The following ATCAY variants were observed in gnomAD, a reference collection of about 807,000 sequenced individuals.
ATCAY encodes ATCAY kinesin light chain interacting caytaxin.
ATCAY carries 22 observed loss-of-function variants against 47.7 expected under a neutral mutation model. That is an observed-to-expected ratio of 0.46 (90% confidence interval 0.33 to 0.66). The LOEUF (loss-of-function observed/expected upper bound fraction) is 0.66. ATCAY is among the 30% of genes least tolerant of loss of function. The pLI, the probability that ATCAY is intolerant of heterozygous loss-of-function variation, is 0.02. For missense variants in ATCAY, 452 were observed against 515.0 expected (o/e 0.88, Z 1.18); for synonymous variants, 216 against 207.6 (o/e 1.04, Z -0.35).
intron 2 of ATCAY, among the ~76,000 whole-genome samples, chr19:3,891,803 T>G (rs925734126): frequency 1.3e-5 from 2 of 152,190 alleles, no homozygotes; most frequent in African/African-American, 4.8e-5. Flanking sequence ...CTCCCTCTAC[T>G]CTCTTCCCCT....
intron 12 of ATCAY, among the ~76,000 whole-genome samples, chr19:3,921,175 C>A (rs144912171): frequency 6.6e-6 from 1 of 152,158 alleles, no homozygotes; most frequent in Admixed American, 6.5e-5. Flanking sequence ...AGACTGTCCA[C>A]GCTCTGCCTC....
At chr19:3,887,468 TA>T (rs1053336818) in intron 2 of ATCAY, among the ~76,000 whole-genome samples, 2 of 150,536 alleles carry the variant, frequency 1.3e-5, no homozygotes, top group African/African-American at 4.9e-5. Flanking sequence ...TATTTTATTT[TA>T]TTTTTTTTAT....
At chr19:3,893,758 CATG>C (rs2038740461) in intron 2 of ATCAY, 1 of 152,336 alleles carries the variant, frequency 6.6e-6, no homozygotes, top group African/African-American at 2.4e-5. Context: ...TCCAGTTCTG[CATG>C]ATCTTAAACC....
At chr19:3,910,076 G>A (rs1039560514) in intron 7 of ATCAY, among the ~76,000 whole-genome samples, 6 of 152,074 alleles carry the variant, frequency 3.9e-5, no homozygotes, top group East Asian at 3.9e-4. Context: ...GCAACAGAGC[G>A]AGACTCTGTC....
chr19:3,908,516 G>T, intron 6 of ATCAY, 146 bp downstream of exon 6: 2 of 765,524 alleles, frequency 2.6e-6, no homozygotes, highest in Non-Finnish European at 4.4e-6. Context: ...ACCTTGATCT[G>T]AGTCCCTGCT....
intron 2 of ATCAY, among the ~76,000 whole-genome samples, chr19:3,898,679 G>T (rs1322730663): frequency 1.3e-5 from 2 of 151,132 alleles, no homozygotes; most frequent in Non-Finnish European, 1.5e-5. Flanking sequence ...GACTGGTGTT[G>T]TTTGTTTGTT....
chr19:3,916,918 G>C (rs1032225875), intron 9 of ATCAY, among the ~76,000 whole-genome samples: 3 of 148,180 alleles, frequency 2.0e-5, no homozygotes, highest in African/African-American at 7.5e-5. Flanking sequence ...AGGGATTCTC[G>C]TGCCTCAGCC....
chr19:3,922,885 C>T (rs2039032479), intron 12 of ATCAY, among the ~76,000 whole-genome samples: 1 of 152,152 alleles, frequency 6.6e-6, no homozygotes, highest in Non-Finnish European at 1.5e-5. Flanking sequence ...GCTGGGACTA[C>T]AGGCGTCTGC....
chr19:3,924,847 A>T lies in ATCAY; in HGVS notation c.*255A>T. On this transcript the variant is annotated 3_prime_UTR_variant, in exon 13 of 13. Transcript: ENST00000450849. ...AGCTCTGAGCCCCTCACCCTTCCAC[A>T]CTCACGAACTCTCAGCCGAGGAAGG... The T allele has an allele frequency of 2.1e-6, 1 of 473,900 alleles. No homozygotes were observed. The highest frequency in any genetic ancestry group is 3.5e-5 in the Admixed American group (1 of 28,244). The allele number at this position is 473,900 out of a possible 1,614,324, so 29.4% of individuals were successfully genotyped here.
intron 2 of ATCAY, among the ~76,000 whole-genome samples, chr19:3,887,750 T>G (rs1289714855): frequency 2.7e-5 from 4 of 146,796 alleles, no homozygotes; most frequent in African/African-American, 7.5e-5. Flanking sequence ...CCTCCCAAAG[T>G]GCTGGGATTA....
Position 3,926,359 on chromosome 19 carries a change from A to G in ATCAY, c.*1767A>G, listed in dbSNP as rs2039066328. On this transcript the variant is annotated 3_prime_UTR_variant, in exon 13 of 13. Coordinates refer to ENST00000450849, the MANE Select transcript of ATCAY (RefSeq NM_033064.5). ...CAGTGTTTGCAGAGAGTTGCTCACG[A>G]GTTTCCCTCTAATCCTAAATGTCTT... 1 of 152,292 alleles carries G rather than the reference A, an allele frequency of 6.6e-6. No individual in the cohort carries two copies. Among genetic ancestry groups the G allele is most frequent in the African/African-American group, 2.4e-5 (1 of 41,466 alleles). The allele number at this position is 152,292 out of a possible 1,614,324, so 9.4% of individuals were successfully genotyped here. A position where few individuals can be genotyped will look rare whatever the true frequency, so the allele number is the denominator to read the frequency against.
chr19:3,882,042 C>G (rs1379003085), intron 1 of ATCAY, among the ~76,000 whole-genome samples: 1 of 152,026 alleles, frequency 6.6e-6, no homozygotes, highest in Non-Finnish European at 1.5e-5. Context: ...ACTTCCTCAT[C>G]TGGCTGAGGC....
Position 3,907,976 on chromosome 19 carries a change from G to A in ATCAY, c.544+57G>A, listed in dbSNP as rs1420794251. 36 of 1,572,484 alleles carry A rather than the reference G, an allele frequency of 2.3e-5. No individual in the cohort carries two copies. Among genetic ancestry groups the A allele is most frequent in the South Asian group, 1.9e-4 (17 of 87,348 alleles). On this transcript the variant is annotated intron_variant, in intron 5 of 12. Transcript: ENST00000450849. The surrounding 1 kb of genome is among the most constrained non-coding windows in gnomAD (Gnocchi z 5.1). ...CTCCAGCCCGGCCCACTGGGCAACAGGGGGTTCGTCAGTGCCCCTCTCTGA... is the reference window on the plus strand; with the variant it reads ...CTCCAGCCCGGCCCACTGGGCAACAAGGGGTTCGTCAGTGCCCCTCTCTGA...
chr19:3,895,655 CTT>C (rs1459294856), intron 2 of ATCAY, among the ~76,000 whole-genome samples: 1 of 151,512 alleles, frequency 6.6e-6, no homozygotes, highest in Non-Finnish European at 1.5e-5. Context: ...CTTTCTCCTG[CTT>C]TCCTCACTTT....
At chr19:3,924,101 GGGATGGATGGATGAAT>G (rs1242253519) in intron 12 of ATCAY, among the ~76,000 whole-genome samples, 1 of 142,412 alleles carries the variant, frequency 7.0e-6, no homozygotes, top group Admixed American at 7.0e-5. Context: ...GATGAGTGGA[GGGATGGATGGATGAAT>G]GGATGGATGT....
chr19:3,896,962 A>G (rs1433118755), intron 2 of ATCAY, among the ~76,000 whole-genome samples: 1 of 151,236 alleles, frequency 6.6e-6, no homozygotes, highest in Non-Finnish European at 1.5e-5. Context: ...TTTTTATTAG[A>G]GACAGGGTTT....
chr19:3,898,247 C>A (rs2038786289), intron 2 of ATCAY, among the ~76,000 whole-genome samples: 2 of 151,842 alleles, frequency 1.3e-5, no homozygotes. Flanking sequence ...TGCAGTGGTG[C>A]AATCATAGCT....
At chr19:3,906,613 A>G (rs62130406) in intron 4 of ATCAY, among the ~76,000 whole-genome samples, 56,681 of 151,754 alleles carry the variant, frequency 0.37, 10,717 homozygotes, top group African/African-American at 0.44. Flanking sequence ...TGCCCCTGCA[A>G]TTTGATGCAT....
Position 3,907,407 on chromosome 19 carries a change from C to T in ATCAY, c.359-327C>T, listed in dbSNP as rs2038870780. Among the ~76,000 whole-genome samples the T allele has an allele frequency of 6.6e-6, 1 of 152,124 alleles. No homozygotes were observed. The highest frequency in any genetic ancestry group is 2.4e-5 in the African/African-American group (1 of 41,424). On this transcript the variant is annotated intron_variant, in intron 4 of 12. Coordinates refer to ENST00000450849, the MANE Select transcript of ATCAY (RefSeq NM_033064.5). The surrounding 1 kb of genome is among the most constrained non-coding windows in gnomAD (Gnocchi z 5.1). ...GGAGAGTAAAAACCAAGCATGCATG[C>T]CCCGAGTATCCTCGTGGTTTGATGA...
Sources: allele counts gnomAD v4.1 joint callset (sites outside exome capture counted in the v4.1 genomes callset), GRCh38; gene constraint gnomAD v4.1.1; non-coding constraint Gnocchi (gnomAD v3.1); transcripts MANE v1.5; gene names NCBI Gene and HGNC (gene_info 2026-07-23, HGNC 2026-07-21).